Variants in CACNA1D observed in about 807,000 individuals in gnomAD.
CACNA1D encodes calcium voltage-gated channel subunit alpha1 D.
In CACNA1D, 55 loss-of-function variants were observed where a neutral mutation model predicts 257.1. That is an observed-to-expected ratio of 0.21 (90% CI 0.17 to 0.27). The LOEUF (loss-of-function observed/expected upper bound fraction) is 0.27, where lower values mean the gene tolerates loss of function less well. Among genes scored for constraint, CACNA1D ranks in the 10% least tolerant of loss-of-function variants. The pLI, the probability that CACNA1D is intolerant of heterozygous loss-of-function variation, is 1.00. For missense variants in CACNA1D, 1,876 were observed against 2,784.0 expected (o/e 0.67, Z 7.34); for synonymous variants, 980 against 1,014.9 (o/e 0.97, Z 0.65).
intron 9 of CACNA1D, among the ~76,000 whole-genome samples, chr3:53,718,059 G>T (rs1050913210): frequency 6.6e-6 from 1 of 152,164 alleles, no homozygotes; most frequent in African/African-American, 2.4e-5. Flanking sequence ...AATGTCTAGG[G>T]GGATAGAATG....
intron 3 of CACNA1D, among the ~76,000 whole-genome samples, chr3:53,587,251 C>CTG (rs2093233859): frequency 6.6e-6 from 1 of 152,126 alleles, no homozygotes; most frequent in Non-Finnish European, 1.5e-5. Flanking sequence ...AATGTTCGTG[C>CTG]TGTAGACTCT....
chr3:53,811,250 C>G lies in CACNA1D; in HGVS notation c.6330C>G (p.Asn2110Lys). The G allele has an allele frequency of 6.2e-7, 1 of 1,614,022 alleles. No homozygotes were observed. Among genetic ancestry groups the G allele is most frequent in the Non-Finnish European group, 8.5e-7 (1 of 1,180,042 alleles). Residue 2110 changes from asparagine to lysine, a missense_variant, in exon 48 of 48, where the codon AAC becomes AAG. Coordinates refer to ENST00000350061, the MANE Select transcript of CACNA1D (RefSeq NM_001128840.3). This position sits in a 1 kb window ranked among gnomAD's most constrained non-coding sequence, Gnocchi z 4.2. ...CAGCCAGCACCCTGCTTAATGGGAA[C>G]GTGCGTCCCCGAGCCAACGGGGATG... ...ESAASTLLNG[N>K]VRPRANGDVG... is the part of the protein sequence containing the mutation.
chr3:53,606,565 G>C (rs1421144501), intron 3 of CACNA1D, among the ~76,000 whole-genome samples: 1 of 152,264 alleles, frequency 6.6e-6, no homozygotes, highest in Non-Finnish European at 1.5e-5. Context: ...AGGGTACAGT[G>C]GCAGGCCAAG....
intron 3 of CACNA1D, among the ~76,000 whole-genome samples, chr3:53,593,606 AATTATCAGG>A (rs2093335089): frequency 6.6e-6 from 1 of 152,034 alleles, no homozygotes; most frequent in Non-Finnish European, 1.5e-5. Context: ...AGGATTGTAA[AATTATCAGG>A]AAATCCCTCT....
At chr3:53,558,075 A>AT (rs1455629121) in intron 3 of CACNA1D, among the ~76,000 whole-genome samples, 1 of 152,254 alleles carries the variant, frequency 6.6e-6, no homozygotes, top group East Asian at 1.9e-4. Context: ...TATTACACTG[A>AT]TTTTTGTTTG....
At chr3:53,808,963 A>G in intron 46 of CACNA1D, 193 bp downstream of exon 46, 1 of 628,598 alleles carries the variant, frequency 1.6e-6, no homozygotes, top group Non-Finnish European at 2.7e-6. Flanking sequence ...AAGCTCACAC[A>G]AGTGACTGCT....
At position 53,673,849 on chromosome 3, in the gene CACNA1D, T is replaced by C. The variant is rs772421193; in HGVS notation, c.1220+723T>C. 2.9e-6 allele frequency: 4 copies of C among 1,375,090 alleles called. No individual in the cohort carries two copies. In the Admixed American group the frequency reaches 6.7e-5, roughly 23 times the overall value. The allele number at this position is 1,375,090 out of a possible 1,614,324, so 85.2% of individuals were successfully genotyped here. On this transcript the variant is annotated intron_variant, in intron 8 of 47. Coordinates refer to ENST00000350061, the MANE Select transcript of CACNA1D (RefSeq NM_001128840.3). The surrounding 1 kb of genome is among the most constrained non-coding windows in gnomAD (Gnocchi z 4.1). Reference sequence around the variant, plus strand: ...GTCGGATCCGTGTTGCACCTTCTCCTGCTGCCACGTGTGAGGCAACTCTGC... The same window carrying C: ...GTCGGATCCGTGTTGCACCTTCTCCCGCTGCCACGTGTGAGGCAACTCTGC...
intron 29 of CACNA1D, among the ~76,000 whole-genome samples, chr3:53,759,076 C>A (rs1390402105): frequency 6.6e-6 from 1 of 152,174 alleles, no homozygotes; most frequent in African/African-American, 2.4e-5. Flanking sequence ...AGCCACCTGC[C>A]TTCTGCTTCC....
At chr3:53,612,886 T>C (rs1213345785) in intron 3 of CACNA1D, among the ~76,000 whole-genome samples, 1 of 152,208 alleles carries the variant, frequency 6.6e-6, no homozygotes, top group Non-Finnish European at 1.5e-5. Context: ...TTTATATTTT[T>C]CCCCAGTTTT....
chr3:53,562,932 G>C (rs746898733), intron 3 of CACNA1D, among the ~76,000 whole-genome samples: 2 of 152,190 alleles, frequency 1.3e-5, no homozygotes, highest in Non-Finnish European at 2.9e-5. Flanking sequence ...TTTATACAAG[G>C]CTGAATGGAA....
intron 8 of CACNA1D, among the ~76,000 whole-genome samples, chr3:53,691,875 C>CATATATTAT (rs1253857806): frequency 1.9e-5 from 1 of 51,872 alleles, no homozygotes; most frequent in African/African-American, 7.7e-5. Flanking sequence ...ATATATATTA[C>CATATATTAT]ATATAATATA....
chr3:53,667,687 A>G (rs1033795275), intron 7 of CACNA1D, among the ~76,000 whole-genome samples: 1 of 152,202 alleles, frequency 6.6e-6, no homozygotes, highest in Admixed American at 6.5e-5. Context: ...TATATTTAAT[A>G]TGAGGCAAAG....
intron 9 of CACNA1D, chr3:53,710,320 G>T (rs533210072): frequency 2.3e-6 from 1 of 440,318 alleles, no homozygotes; most frequent in Non-Finnish European, 4.6e-6. Flanking sequence ...AGGGCTGGCC[G>T]CGTGGGGCCC....
At chr3:53,734,102 A>C (rs934964622) in intron 19 of CACNA1D, among the ~76,000 whole-genome samples, 1 of 149,566 alleles carries the variant, frequency 6.7e-6, no homozygotes, top group Non-Finnish European at 1.5e-5. Flanking sequence ...TCCTGCCCTC[A>C]CTAGCTTGGA....
intron 20 of CACNA1D, among the ~76,000 whole-genome samples, chr3:53,739,655 G>A (rs753471901): frequency 1.3e-5 from 2 of 152,192 alleles, no homozygotes; most frequent in African/African-American, 2.4e-5. Flanking sequence ...AGCAGTGTGA[G>A]ATGCAGAACA....
At chr3:53,516,220 G>A (rs1368067181) in intron 3 of CACNA1D, among the ~76,000 whole-genome samples, 1 of 152,220 alleles carries the variant, frequency 6.6e-6, no homozygotes, top group Non-Finnish European at 1.5e-5. Context: ...TCCCAGTGAA[G>A]TTTAAGGTTT....
chr3:53,663,474 G>T (rs2094226263), intron 5 of CACNA1D, among the ~76,000 whole-genome samples: 1 of 152,188 alleles, frequency 6.6e-6, no homozygotes, highest in South Asian at 2.1e-4. Context: ...GGTCTCCAGG[G>T]CAGGTTCTGG....
chr3:53,674,160 A>G, intron 8 of CACNA1D: 1 of 423,604 alleles, frequency 2.4e-6, no homozygotes, highest in Non-Finnish European at 4.4e-6. Context: ...TTTTGTGTCT[A>G]TTAGTACATA....
intron 8 of CACNA1D, chr3:53,679,517 A>G (rs970050065): frequency 1.3e-5 from 2 of 152,142 alleles, no homozygotes; most frequent in African/African-American, 4.8e-5. Context: ...GTACTGCAAT[A>G]GTGAGTTAAT....
Sources: gnomAD v4.1 joint callset for allele counts (sites outside exome capture counted in the v4.1 genomes callset) on GRCh38, gnomAD v4.1.1 for gene constraint, Gnocchi (gnomAD v3.1) non-coding constraint, MANE v1.5 for transcripts, NCBI Gene and HGNC (gene_info 2026-07-23, HGNC 2026-07-21) for gene names.